PARD3: variants seen among roughly 807,000 people sequenced by gnomAD.
PARD3 encodes par-3 family cell polarity regulator.
PARD3 carries 75 observed loss-of-function variants against 155.4 expected under a neutral mutation model. The ratio of observed to expected loss-of-function variants is 0.48; its 90% CI spans 0.40 to 0.58. PARD3 has a LOEUF of 0.58. PARD3 is among the 20% of genes least tolerant of loss of function. The pLI is 0.00. For synonymous variants in PARD3, 576 were observed against 610.5 expected (o/e 0.94, Z 0.83); for missense variants, 1,642 against 1,721.7 (o/e 0.95, Z 0.82).
intron 1 of PARD3, among the ~76,000 whole-genome samples, chr10:34,746,985 G>A (rs2133922195): frequency 6.6e-6 from 1 of 152,258 alleles, no homozygotes; most frequent in Admixed American, 6.5e-5. Flanking sequence ...TCCCTGCGGG[G>A]ATTAGAAGGC....
At chr10:34,242,206 T>C (rs1423052063) in intron 22 of PARD3, among the ~76,000 whole-genome samples, 1 of 152,204 alleles carries the variant, frequency 6.6e-6, no homozygotes, top group Non-Finnish European at 1.5e-5. Context: ...TTTATGTTTT[T>C]ATGCATGCTT....
chr10:34,283,986 A>G, intron 21 of PARD3, 149 bp downstream of exon 21: 1 of 585,150 alleles, frequency 1.7e-6, no homozygotes. Context: ...TTTACAATAT[A>G]TTCACCCACA....
intron 1 of PARD3, among the ~76,000 whole-genome samples, chr10:34,767,989 TAAG>T (rs1447770455): frequency 6.6e-6 from 1 of 152,148 alleles, no homozygotes; most frequent in East Asian, 1.9e-4. Flanking sequence ...AATCTTTCTA[TAAG>T]AAGCATGAGT....
intron 22 of PARD3, among the ~76,000 whole-genome samples, chr10:34,227,020 T>C (rs1588850274): frequency 6.6e-6 from 1 of 152,090 alleles, no homozygotes. Flanking sequence ...AATTGATAAA[T>C]GGGACCTAAT....
intron 2 of PARD3, among the ~76,000 whole-genome samples, chr10:34,605,223 G>C (rs1158997925): frequency 8.9e-6 from 1 of 112,644 alleles, no homozygotes; most frequent in Admixed American, 1.3e-4. Flanking sequence ...GACGGAGTCT[G>C]GCTCTGTCAC....
Position 34,401,886 on chromosome 10 carries a change from C to T in PARD3, c.746G>A (p.Arg249His), listed in dbSNP as rs766760918. The T allele has an allele frequency of 2.5e-5, 40 of 1,613,468 alleles. No individual in the cohort carries two copies. The highest frequency in any genetic ancestry group is 4.5e-5 in the East Asian group (2 of 44,876). ...DEDGTEEDNS[R>H]VEPVGHADTG... Reference sequence around the variant, plus strand: ...GTCAGCATGTCCAACAGGTTCAACACGACTGTTATCCTCTTCTGTCCCATC... The same window carrying T: ...GTCAGCATGTCCAACAGGTTCAACATGACTGTTATCCTCTTCTGTCCCATC... The change falls in exon 6 of 25, where the codon CGT becomes CAT. Residue 249 changes from arginine (R) to histidine (H), a missense_variant. Physicochemically the swap from Arg to His is conservative, Grantham distance 29. This residue lies in a region of PARD3 where 1,529 missense variants were observed against 1,587.3 expected (regional missense o/e 0.96). Transcript: ENST00000374788.
chr10:34,690,273 G>A (rs1427866434), intron 2 of PARD3, among the ~76,000 whole-genome samples: 1 of 152,110 alleles, frequency 6.6e-6, no homozygotes, highest in African/African-American at 2.4e-5. Flanking sequence ...ATAGCCCAAT[G>A]ACTGCAGAAT....
At chr10:34,309,845 T>C (rs1957610678) in intron 20 of PARD3, among the ~76,000 whole-genome samples, 1 of 131,430 alleles carries the variant, frequency 7.6e-6, no homozygotes, top group Non-Finnish European at 1.5e-5. Flanking sequence ...CAGAATGGTT[T>C]GGCTCTTGGC....
chr10:34,172,751 A>AAC (rs576862810), intron 22 of PARD3, among the ~76,000 whole-genome samples: 28,923 of 149,026 alleles, frequency 0.19, 3,547 homozygotes, highest in Non-Finnish European at 0.26. Context: ...AAAAACAACA[A>AAC]AAAAAAAAAC....
intron 22 of PARD3, among the ~76,000 whole-genome samples, chr10:34,166,439 CCTGTCT>C (rs1337055902): frequency 2.0e-5 from 3 of 151,992 alleles, no homozygotes. Flanking sequence ...ACAGTGAGAT[CCTGTCT>C]CTACAAAAAA....
chr10:34,355,924 C>CAAAAAAAAAAAAAAAAAAA (rs869284165), intron 14 of PARD3, among the ~76,000 whole-genome samples: 1 of 42,738 alleles, frequency 2.3e-5, no homozygotes, highest in Non-Finnish European at 4.4e-5. Flanking sequence ...CACTCCGTCT[C>CAAAAAAAAAAAAAAAAAAA]AAAAAAAAAA....
chr10:34,121,269 G>T (rs1219310693), intron 23 of PARD3, among the ~76,000 whole-genome samples: 1 of 152,144 alleles, frequency 6.6e-6, no homozygotes, highest in Non-Finnish European at 1.5e-5. Flanking sequence ...AATAAAAGTA[G>T]CTGTGCTCAA....
At chr10:34,640,633 C>T (rs1232202428) in intron 2 of PARD3, among the ~76,000 whole-genome samples, 1 of 130,914 alleles carries the variant, frequency 7.6e-6, no homozygotes, top group Non-Finnish European at 1.6e-5. Context: ...TGCTTGAAAC[C>T]GGGAGGTGGA....
chr10:34,261,761 G>A (rs7911159), intron 22 of PARD3, among the ~76,000 whole-genome samples: 3,467 of 40,088 alleles, frequency 0.086, 258 homozygotes, highest in African/African-American at 0.22. Context: ...AGGAAGAAAG[G>A]AAGGAAGGAA....
At chr10:34,171,095 T>C (rs1343014730) in intron 22 of PARD3, among the ~76,000 whole-genome samples, 2 of 152,336 alleles carry the variant, frequency 1.3e-5, no homozygotes, top group East Asian at 1.9e-4. Context: ...TCATGACATA[T>C]AGTCTCACAT....
chr10:34,781,831 A>G (rs567442118), intron 1 of PARD3, among the ~76,000 whole-genome samples: 8 of 152,366 alleles, frequency 5.3e-5, no homozygotes, highest in African/African-American at 1.9e-4. Context: ...ATGACAGAAC[A>G]CTGTGCTCTA....
At chr10:34,627,913 G>C (rs960947885) in intron 2 of PARD3, among the ~76,000 whole-genome samples, 3 of 152,068 alleles carry the variant, frequency 2.0e-5, no homozygotes, top group African/African-American at 7.2e-5. Context: ...GTACACACAG[G>C]TTGCCTCATC....
At position 34,526,749 on chromosome 10, in the gene PARD3, T is replaced by C. The variant is rs553590542; in HGVS notation, c.223-9590A>G. On this transcript the variant is annotated intron_variant, in intron 2 of 24. Transcript: ENST00000374788. ...TACGAATGTTTAGATGCAGGGAAAG[T>C]AGGAGTCCCACTTAAGCTACAACTG... 2.0e-5 allele frequency among the ~76,000 whole-genome samples: 3 copies of C among 152,298 alleles called. No homozygotes were observed. The South Asian group carries it at 6.2e-4, about 32-fold the overall frequency.
At chr10:34,250,116 T>C (rs1954207734) in intron 22 of PARD3, among the ~76,000 whole-genome samples, 1 of 151,772 alleles carries the variant, frequency 6.6e-6, no homozygotes, top group African/African-American at 2.4e-5. Flanking sequence ...TACACGTTAT[T>C]ATCAGCTGTT....
Sources: allele counts gnomAD v4.1 joint callset (sites outside exome capture counted in the v4.1 genomes callset), GRCh38; gene constraint gnomAD v4.1.1; regional missense constraint gnomAD v4.1.1; transcripts MANE v1.5; gene names NCBI Gene and HGNC (gene_info 2026-07-23, HGNC 2026-07-21).